IPO8: variants seen among roughly 807,000 people sequenced by gnomAD.
The protein encoded by IPO8 is importin-8.
A neutral mutation model predicts 141.2 loss-of-function variants in IPO8; 65 were observed. The ratio of observed to expected loss-of-function variants is 0.46; its 90% CI spans 0.38 to 0.57. The LOEUF (loss-of-function observed/expected upper bound fraction) is 0.57, where lower values mean the gene tolerates loss of function less well. Ranked by LOEUF, IPO8 falls within the 20% of genes least tolerant of loss-of-function variation. The pLI is 0.00. For missense variants in IPO8, 980 were observed against 1,246.8 expected, an observed-to-expected ratio of 0.79 and a Z score of 3.22; for synonymous variants, 411 against 420.3, an observed-to-expected ratio of 0.98 and a Z score of 0.27.
intron 8 of IPO8, among the ~76,000 whole-genome samples, 197 bp from the exon 9 acceptor site, chr12:30,671,293 G>A (rs528255770): frequency 6.6e-6 from 1 of 152,252 alleles, no homozygotes; most frequent in East Asian, 1.9e-4. Flanking sequence ...GAACTAAACG[G>A]TGTCTCATTG....
chr12:30,692,770 C>G (rs2053303002), intron 1 of IPO8, among the ~76,000 whole-genome samples: 3 of 152,104 alleles, frequency 2.0e-5, no homozygotes, highest in Admixed American at 2.0e-4. Context: ...CTTTTCTGAA[C>G]TGTTGTTCCT....
At chr12:30,641,506 T>TC (rs1339273525) in intron 20 of IPO8, among the ~76,000 whole-genome samples, 1 of 149,614 alleles carries the variant, frequency 6.7e-6, no homozygotes, top group Non-Finnish European at 1.5e-5. Context: ...TTTTTTTTTT[T>TC]TTTTTCTTTT....
chr12:30,685,629 A>G (rs1053002568), intron 2 of IPO8, among the ~76,000 whole-genome samples: 2 of 151,656 alleles, frequency 1.3e-5, no homozygotes, highest in South Asian at 2.1e-4. Flanking sequence ...CTTTTAACAT[A>G]TAACTAAATT....
Position 30,652,360 on chromosome 12 carries a change from A to G in IPO8, c.2075-71T>C, listed in dbSNP as rs531479519. On this transcript the variant is annotated intron_variant, in intron 18 of 24. Transcript: ENST00000256079. ...GAAATAAATTATTCCCACTGAAACC[A>G]TATTTCTGTAGCACCCACACATTAG... The G allele has an allele frequency of 2.4e-4, 210 of 876,684 alleles. 1 individual carries two copies. Among genetic ancestry groups the G allele is most frequent in the Non-Finnish European group, 3.4e-4 (185 of 537,284 alleles). 54.3% of individuals were successfully genotyped at this position (876,684 alleles called of 1,614,324 possible).
chr12:30,685,913 A>AC (rs1206485064), intron 2 of IPO8, among the ~76,000 whole-genome samples: 1 of 151,940 alleles, frequency 6.6e-6, no homozygotes. Flanking sequence ...AAAAAAAAAA[A>AC]AAAAAAACTA....
At position 30,680,564 on chromosome 12, in the gene IPO8, A is replaced by C. The variant is rs1349990797; in HGVS notation, c.557T>G (p.Ile186Ser). The change falls in exon 5 of 25, where the codon ATT becomes AGT. Residue 186 changes from isoleucine (I) to serine (S), a missense_variant. Ile to Ser is a moderately radical substitution (Grantham distance 142). Around this residue, in one of 3 missense-constraint regions of IPO8, gnomAD observed 924 missense variants for 1,153.9 expected, o/e 0.80. Transcript: ENST00000256079. ...QIFLPRIQQQIVQLLPDSSYY... is the reference protein window; with the variant it reads ...QIFLPRIQQQSVQLLPDSSYY... ...GGAGGAATCAGGAAGGAGCTGAACA[A>C]TTTGTTGCTGAATACGAGGCAGGAA... 2.5e-6 allele frequency: 4 copies of C among 1,612,622 alleles called. No individual in the cohort carries two copies. In the South Asian group the frequency reaches 4.4e-5, roughly 18 times the overall value.
chr12:30,671,114 A>G lies in IPO8; in HGVS notation c.910-18T>C, dbSNP rs771863218. The G allele has an allele frequency of 6.6e-7, 1 of 1,521,382 alleles. No homozygotes were observed. Among genetic ancestry groups the G allele is most frequent in the Non-Finnish European group, 9.1e-7 (1 of 1,098,424 alleles). The allele number at this position is 1,521,382 out of a possible 1,614,324, so 94.2% of individuals were successfully genotyped here. A position where few individuals can be genotyped will look rare whatever the true frequency, so the allele number is the denominator to read the frequency against. ...AGTAGCACCTATAAGAAAACAGAAA[A>G]TACAGACTAACATAAACAATTATAA... On this transcript the variant is annotated intron_variant, in intron 8 of 24. Transcript: ENST00000256079.
chr12:30,662,633 T>A, intron 14 of IPO8, 146 bp from the exon 15 acceptor site: 2 of 680,854 alleles, frequency 2.9e-6, no homozygotes, highest in Non-Finnish European at 5.3e-6. Flanking sequence ...GTTACAAAGC[T>A]GTACCTAAAT....
chr12:30,631,826 C>A, intron 24 of IPO8, 69 bp downstream of exon 24: 1 of 957,706 alleles, frequency 1.0e-6, no homozygotes. Flanking sequence ...TGCCACCTGG[C>A]TCATCAAATA....
chr12:30,663,598 T>C lies in IPO8; in HGVS notation c.1485A>G (p.Leu495=). The C allele has an allele frequency of 6.2e-7, 1 of 1,613,398 alleles. No homozygotes were observed. The highest frequency in any genetic ancestry group is 8.5e-7 in the Non-Finnish European group (1 of 1,179,878). ...TCTTCGCTAATTCAACGGCATTTCT[T>C]AGATTGAGCTCATTATGGAACTTCA... The part of the protein sequence containing the change: ...SSLKFHNELN[L]RNAVELAKKS... Residue 495 remains leucine, a synonymous_variant, in exon 14 of 25, where the codon CTA becomes CTG. Transcript: ENST00000256079.
chr12:30,689,114 A>G (rs553093018), intron 2 of IPO8, among the ~76,000 whole-genome samples: 1 of 152,214 alleles, frequency 6.6e-6, no homozygotes, highest in East Asian at 1.9e-4. Flanking sequence ...AAACTGTAAA[A>G]TAGCATGTGT....
intron 5 of IPO8, among the ~76,000 whole-genome samples, chr12:30,679,315 G>A (rs1015023338): frequency 2.6e-5 from 4 of 152,110 alleles, no homozygotes; most frequent in African/African-American, 9.7e-5. Flanking sequence ...AGGTTTTCCA[G>A]GTTTTTAGCA....
chr12:30,645,917 C>T (rs1447963285), intron 20 of IPO8, among the ~76,000 whole-genome samples: 31 of 151,652 alleles, frequency 2.0e-4, no homozygotes, highest in East Asian at 1.9e-4. Flanking sequence ...GATAGTTTCA[C>T]TGCTAAATTC....
chr12:30,693,058 A>G (rs1004370941), intron 1 of IPO8, among the ~76,000 whole-genome samples: 1 of 152,222 alleles, frequency 6.6e-6, no homozygotes, highest in Non-Finnish European at 1.5e-5. Flanking sequence ...GCATGTACAC[A>G]TGCATGGAAA....
intron 2 of IPO8, among the ~76,000 whole-genome samples, chr12:30,686,869 G>A (rs879670873): frequency 6.6e-6 from 1 of 151,740 alleles, no homozygotes; most frequent in Non-Finnish European, 1.5e-5. Context: ...TGCATCAAAC[G>A]AGACAGCCTT....
Position 30,695,074 on chromosome 12 carries a change from G to A in IPO8, c.84+490C>T, listed in dbSNP as rs2053324923. The A allele has an allele frequency of 1.1e-5, 5 of 454,834 alleles. No individual in the cohort carries two copies. Among genetic ancestry groups the A allele is most frequent in the Admixed American group, 4.8e-5 (2 of 41,968 alleles). The allele number at this position is 454,834 out of a possible 1,614,324, so 28.2% of individuals were successfully genotyped here. ...CACTGCCCAGCGCTCCGCAAAACTC[G>A]GCCAATCGGTGTCAAAACAGTCCTG... On this transcript the variant is annotated intron_variant, in intron 1 of 24. Coordinates refer to ENST00000256079, the MANE Select transcript of IPO8 (RefSeq NM_006390.4). This position sits in a 1 kb window ranked among gnomAD's most constrained non-coding sequence, Gnocchi z 4.2.
chr12:30,633,133 G>T (rs1319999517), intron 23 of IPO8, among the ~76,000 whole-genome samples: 1 of 152,094 alleles, frequency 6.6e-6, no homozygotes, highest in Admixed American at 6.5e-5. Flanking sequence ...TGTGTTCTCT[G>T]CCTCCAATTC....
chr12:30,638,513 T>C (rs1276908061), intron 21 of IPO8, among the ~76,000 whole-genome samples: 1 of 152,210 alleles, frequency 6.6e-6, no homozygotes, highest in African/African-American at 2.4e-5. Context: ...CTAAATGATC[T>C]CTCACAAAAC....
At chr12:30,636,926 A>C in intron 22 of IPO8, 56 bp downstream of exon 22, 1 of 1,384,226 alleles carries the variant, frequency 7.2e-7, no homozygotes, top group South Asian at 1.2e-5. Flanking sequence ...ATTCATATAA[A>C]ATGCATACAC....
Sources: allele counts gnomAD v4.1 joint callset (sites outside exome capture counted in the v4.1 genomes callset), GRCh38; gene constraint gnomAD v4.1.1; regional missense constraint gnomAD v4.1.1; non-coding constraint Gnocchi (gnomAD v3.1); transcripts MANE v1.5; gene names NCBI Gene and HGNC (gene_info 2026-07-23, HGNC 2026-07-21).